Variants in PCNX1 observed in about 807,000 individuals in gnomAD.
The protein encoded by PCNX1 is pecanex-like protein 1.
Under a neutral mutation model 242.2 loss-of-function variants are expected in PCNX1, and 78 were observed. That is an observed-to-expected ratio of 0.32 (90% CI 0.27 to 0.39). The LOEUF (loss-of-function observed/expected upper bound fraction) is 0.39, where lower values mean the gene tolerates loss of function less well. PCNX1 is among the 10% of genes least tolerant of loss of function. The pLI is 1.00. For missense variants in PCNX1, 2,581 were observed against 2,856.5 expected (o/e 0.90, Z 2.20); for synonymous variants, 1,024 against 1,032.9 (o/e 0.99, Z 0.17).
At chr14:71,013,523 T>C (rs1473450310) in intron 11 of PCNX1, among the ~76,000 whole-genome samples, 2 of 130,710 alleles carry the variant, frequency 1.5e-5, no homozygotes, top group Admixed American at 7.5e-5. Flanking sequence ...GATGCAAAGT[T>C]CTATATAACA....
intron 1 of PCNX1, among the ~76,000 whole-genome samples, chr14:70,934,908 T>C (rs2056940743): frequency 1.3e-5 from 2 of 152,184 alleles, no homozygotes; most frequent in South Asian, 4.1e-4. Context: ...CTGGTAATAA[T>C]TGTCAGCTGC....
chr14:70,975,552 T>C (rs1455713362), intron 5 of PCNX1, among the ~76,000 whole-genome samples: 1 of 152,196 alleles, frequency 6.6e-6, no homozygotes, highest in East Asian at 1.9e-4. Context: ...ATGTCTGCTT[T>C]GGTCATTGAG....
At chr14:70,968,335 A>G in intron 4 of PCNX1, 92 bp downstream of exon 4, 2 of 717,320 alleles carry the variant, frequency 2.8e-6, no homozygotes, top group Admixed American at 2.9e-5. Context: ...AAATGTAATG[A>G]AAAAAATCAT....
chr14:70,925,677 C>T (rs2056563432), intron 1 of PCNX1, among the ~76,000 whole-genome samples: 1 of 146,986 alleles, frequency 6.8e-6, no homozygotes, highest in African/African-American at 2.5e-5. Context: ...ACTGCTTAAA[C>T]ATTATTAAAA....
chr14:71,041,781 T>TACTAC (rs1032867650), intron 19 of PCNX1, among the ~76,000 whole-genome samples: 1 of 35,684 alleles, frequency 2.8e-5, no homozygotes, highest in African/African-American at 1.3e-4. Flanking sequence ...CATTTATTGC[T>TACTAC]ACTATACTAT....
chr14:70,986,513 T>C (rs1021462332), intron 6 of PCNX1, among the ~76,000 whole-genome samples: 4 of 152,162 alleles, frequency 2.6e-5, no homozygotes, highest in Non-Finnish European at 2.9e-5. Flanking sequence ...TAGTTTGTCT[T>C]TTCACCCCAG....
chr14:71,036,216 TCAC>T lies in PCNX1; in HGVS notation c.3867+61_3867+63del. 3 of 1,101,652 alleles carry T rather than the reference TCAC, an allele frequency of 2.7e-6. No individual in the cohort carries two copies. In the South Asian group the frequency reaches 3.7e-5, roughly 14 times the overall value. 68.2% of individuals were successfully genotyped at this position (1,101,652 alleles called of 1,614,324 possible). On this transcript the variant is annotated intron_variant, in intron 19 of 35. Transcript: ENST00000304743. ...TTGTTTGAGACAGGGTCTCACTCTG[TCAC>T]CCAGGCTGGAGTGCAGTGTTGCGAT... is the stretch of plus-strand genomic sequence containing the variant.
At chr14:71,007,642 T>C (rs1241291639) in intron 8 of PCNX1, among the ~76,000 whole-genome samples, 1 of 152,192 alleles carries the variant, frequency 6.6e-6, no homozygotes, top group African/African-American at 2.4e-5. Flanking sequence ...ATGTAATCCA[T>C]GATTTTGAGC....
At chr14:71,068,620 G>A (rs1199224100) in intron 26 of PCNX1, among the ~76,000 whole-genome samples, 2 of 144,360 alleles carry the variant, frequency 1.4e-5, no homozygotes, top group Non-Finnish European at 3.0e-5. Flanking sequence ...GTGTGTGTGT[G>A]TGTATAAAAA....
Position 71,057,667 on chromosome 14 carries a change from C to T in PCNX1, c.4795C>T (p.Leu1599Phe), listed in dbSNP as rs774445205. ...TGACTATCTCAATGCATTAGTACAC[C>T]TTATAGAGATAGGCAATGGTCTGGT... is the stretch of plus-strand genomic sequence containing the variant. Reference protein sequence around the residue: ...ASDYLNALVHLIEIGNGLVTF... With the variant: ...ASDYLNALVHFIEIGNGLVTF... Residue 1599 changes from leucine (L) to phenylalanine (F), a missense_variant, in exon 26 of 36, where the codon CTT (leucine) becomes TTT (phenylalanine). Coordinates refer to ENST00000304743, the MANE Select transcript of PCNX1 (RefSeq NM_014982.3). 2 of 1,613,908 alleles carry T rather than the reference C, an allele frequency of 1.2e-6. No homozygotes were observed. The highest frequency in any genetic ancestry group is 1.7e-5 in the Admixed American group (1 of 60,018).
intron 7 of PCNX1, among the ~76,000 whole-genome samples, chr14:70,989,720 G>A (rs538520485): frequency 6.6e-6 from 1 of 151,740 alleles, no homozygotes; most frequent in Non-Finnish European, 1.5e-5. Context: ...GTAGAGACAG[G>A]GTTTTTTTGC....
chr14:70,947,147 T>A, intron 2 of PCNX1, 24 bp downstream of exon 2: 1 of 1,446,648 alleles, frequency 6.9e-7, no homozygotes, highest in South Asian at 1.2e-5. Context: ...TGTCATTGAT[T>A]GATCGTAATG....
At chr14:70,966,783 T>C (rs937703447) in intron 3 of PCNX1, among the ~76,000 whole-genome samples, 7 of 152,378 alleles carry the variant, frequency 4.6e-5, no homozygotes, top group Non-Finnish European at 1.0e-4. Flanking sequence ...GTGTTTTTGT[T>C]TTCTTGTTTG....
intron 30 of PCNX1, among the ~76,000 whole-genome samples, chr14:71,099,159 ATTT>A (rs35488754): frequency 7.6e-6 from 1 of 131,482 alleles, no homozygotes; most frequent in Non-Finnish European, 1.6e-5. Context: ...TATTATTTTG[ATTT>A]TTTTTTTTTT....
At position 71,045,227 on chromosome 14, in the gene PCNX1, A is replaced by T; in HGVS notation, c.3962A>T (p.His1321Leu). The T allele has an allele frequency of 6.2e-7, 1 of 1,612,806 alleles. No homozygotes were observed. The highest frequency in any genetic ancestry group is 8.5e-7 in the Non-Finnish European group (1 of 1,178,882). Reference protein sequence around the residue: ...LPQVRKQLPWHCFSHPLLKTL... With the variant: ...LPQVRKQLPWLCFSHPLLKTL... Reference sequence around the variant, plus strand: ...CAAGTTAGAAAACAGCTACCATGGCACTGTTTCTCTCATCCTCTGCTAAAG... The same window carrying T: ...CAAGTTAGAAAACAGCTACCATGGCTCTGTTTCTCTCATCCTCTGCTAAAG... Residue 1321 changes from histidine to leucine, a missense_variant, in exon 20 of 36, where the codon CAC becomes CTC. His to Leu is a moderately conservative substitution (Grantham distance 99, BLOSUM62 -3). Coordinates refer to ENST00000304743, the MANE Select transcript of PCNX1 (RefSeq NM_014982.3).
intron 1 of PCNX1, among the ~76,000 whole-genome samples, chr14:70,918,209 A>G (rs1287975685): frequency 6.6e-6 from 1 of 152,232 alleles, no homozygotes; most frequent in Non-Finnish European, 1.5e-5. Flanking sequence ...ATATTCTTCA[A>G]GAACTTTTCC....
At chr14:70,971,155 T>TTTTTTTTTTTTTTTA (rs2058531572) in intron 5 of PCNX1, among the ~76,000 whole-genome samples, 1 of 9,324 alleles carries the variant, frequency 1.1e-4, no homozygotes, top group Non-Finnish European at 2.4e-4. Context: ...TTTTTTTTTT[T>TTTTTTTTTTTTTTTA]GAGACGGAGT....
intron 24 of PCNX1, among the ~76,000 whole-genome samples, chr14:71,053,811 A>C (rs922573159): frequency 6.6e-6 from 1 of 151,918 alleles, no homozygotes; most frequent in Non-Finnish European, 1.5e-5. Flanking sequence ...CTATATTTCC[A>C]CTCCCCCAAA....
rs373199896 is a variant in PCNX1, at chr14:71,109,046, A to C, written c.6744A>C (p.Gln2248His). The C allele has an allele frequency of 2.1e-5, 33 of 1,605,772 alleles. No homozygotes were observed. Among genetic ancestry groups the C allele is most frequent in the Non-Finnish European group, 2.3e-5 (27 of 1,175,044 alleles). ...SRKAEVIYRVQIVDPSQILEG... is the reference protein window; with the variant it reads ...SRKAEVIYRVHIVDPSQILEG... Reference sequence around the variant, plus strand: ...AGGCAGAAGTGATTTACAGAGTCCAAGTAAGTAAGCCCAGAGGTGGTCTTG... The same window carrying C: ...AGGCAGAAGTGATTTACAGAGTCCACGTAAGTAAGCCCAGAGGTGGTCTTG... The change falls in exon 34 of 36, where the codon CAA becomes CAC. Residue 2248 changes from glutamine (Q) to histidine (H), a missense_variant and splice_region_variant. This residue lies in a region of PCNX1 where 432 missense variants were observed against 433.6 expected (regional missense o/e 1.00). Coordinates refer to ENST00000304743, the MANE Select transcript of PCNX1 (RefSeq NM_014982.3).
Sources: allele counts gnomAD v4.1 joint callset (sites outside exome capture counted in the v4.1 genomes callset), GRCh38; gene constraint gnomAD v4.1.1; regional missense constraint gnomAD v4.1.1; transcripts MANE v1.5; gene names NCBI Gene and HGNC (gene_info 2026-07-23, HGNC 2026-07-21).